CHRNA7: variants seen among roughly 807,000 people sequenced by gnomAD.
CHRNA7 encodes cholinergic receptor nicotinic alpha 7 subunit.
In CHRNA7, 17 loss-of-function variants were observed where a neutral mutation model predicts 48.0. The observed-to-expected ratio is 0.35, with a 90% CI of 0.24 to 0.53. CHRNA7 has a LOEUF of 0.53. CHRNA7 is among the 20% of genes least tolerant of loss of function. CHRNA7 has a pLI of 0.92. For synonymous variants in CHRNA7, 75 were observed against 242.3 expected, an observed-to-expected ratio of 0.31 and a Z score of 6.41; for missense variants, 155 against 577.7, an observed-to-expected ratio of 0.27 and a Z score of 7.50.
chr15:32,115,072 T>G (rs1240396263), intron 4 of CHRNA7, among the ~76,000 whole-genome samples: 1 of 152,224 alleles, frequency 6.6e-6, no homozygotes, highest in East Asian at 1.9e-4. Flanking sequence ...GCTGGGACTC[T>G]TAAGGACTGA....
chr15:32,109,073 A>T (rs925328483), intron 3 of CHRNA7, among the ~76,000 whole-genome samples: 2 of 152,170 alleles, frequency 1.3e-5, no homozygotes, highest in South Asian at 4.1e-4. Flanking sequence ...TCAGGGCGTG[A>T]AAGTAAGTTT....
At chr15:32,139,470 A>G (rs892411229) in intron 4 of CHRNA7, among the ~76,000 whole-genome samples, 1 of 152,170 alleles carries the variant, frequency 6.6e-6, no homozygotes, top group Non-Finnish European at 1.5e-5. Flanking sequence ...ACCATTTCTC[A>G]TGCCCACCAG....
intron 4 of CHRNA7, among the ~76,000 whole-genome samples, chr15:32,140,172 G>A (rs952613641): frequency 3.3e-5 from 5 of 151,068 alleles, no homozygotes; most frequent in Non-Finnish European, 5.9e-5. Flanking sequence ...AACATGTGGT[G>A]TTTGGTTTTC....
chr15:32,099,986 C>G (rs774986205), intron 2 of CHRNA7: 1 of 152,236 alleles, frequency 6.6e-6, no homozygotes, highest in Non-Finnish European at 1.5e-5. Flanking sequence ...AGGCAGCCCT[C>G]TCCTCTCTGT....
chr15:32,134,068 G>C (rs2051202320), intron 4 of CHRNA7, among the ~76,000 whole-genome samples: 1 of 152,044 alleles, frequency 6.6e-6, no homozygotes, highest in South Asian at 2.1e-4. Context: ...CTGTGAGAGG[G>C]CAGCCAAGGG....
chr15:32,060,391 G>A (rs1471470268), intron 2 of CHRNA7, among the ~76,000 whole-genome samples: 1 of 151,962 alleles, frequency 6.6e-6, no homozygotes, highest in Non-Finnish European at 1.5e-5. Flanking sequence ...GATTTATGAA[G>A]GCATATATAG....
intron 4 of CHRNA7, among the ~76,000 whole-genome samples, chr15:32,144,154 A>G (rs2051438841): frequency 6.6e-6 from 1 of 152,058 alleles, no homozygotes; most frequent in Admixed American, 6.5e-5. Flanking sequence ...TCTGTAAAGG[A>G]TTTTATTTCT....
chr15:32,153,545 G>A, intron 4 of CHRNA7: 2 of 323,244 alleles, frequency 6.2e-6, no homozygotes, highest in South Asian at 5.7e-5. Flanking sequence ...TCACAGGGTG[G>A]CAGCGTGCCT....
chr15:32,045,583 C>T (rs1390902777), intron 2 of CHRNA7, among the ~76,000 whole-genome samples: 1 of 151,652 alleles, frequency 6.6e-6, no homozygotes, highest in Non-Finnish European at 1.5e-5. Context: ...GTCACCCAGG[C>T]TGGCATATGG....
chr15:32,038,794 A>G (rs1281766617), intron 2 of CHRNA7, among the ~76,000 whole-genome samples: 1 of 152,164 alleles, frequency 6.6e-6, no homozygotes, highest in Non-Finnish European at 1.5e-5. Context: ...ATGTTTTAGG[A>G]AGTATTTCCT....
At position 32,030,768 on chromosome 15, in the gene CHRNA7, A is replaced by AGCGGGGGCGCT. The variant is rs1413813086; in HGVS notation, c.56-121_56-111dup. On this transcript the variant is annotated intron_variant, in intron 1 of 9. Transcript: ENST00000306901. ...GATCTCCCCGCCGCCGGGGAGGGGC[A>AGCGGGGGCGCT]GCGGGGGCGCTGCGGGGGCTGCTTG... 68 of 1,505,856 alleles carry AGCGGGGGCGCT rather than the reference A, an allele frequency of 4.5e-5. No individual in the cohort carries two copies. The East Asian group carries it at 1.3e-3, about 29-fold the overall frequency. The allele number at this position is 1,505,856 out of a possible 1,614,324, so 93.3% of individuals were successfully genotyped here.
At chr15:32,081,906 C>T (rs2050221652) in intron 2 of CHRNA7, among the ~76,000 whole-genome samples, 1 of 152,084 alleles carries the variant, frequency 6.6e-6, no homozygotes, top group South Asian at 2.1e-4. Flanking sequence ...GTGGTGGCAA[C>T]ACAATCTTTT....
At chr15:32,113,720 A>C (rs546427473) in intron 4 of CHRNA7, among the ~76,000 whole-genome samples, 23 of 152,260 alleles carry the variant, frequency 1.5e-4, no homozygotes, top group African/African-American at 5.5e-4. Flanking sequence ...TGCTTTTAGA[A>C]CAAGATGGTA....
intron 2 of CHRNA7, among the ~76,000 whole-genome samples, chr15:32,061,567 G>A (rs2049879011): frequency 6.6e-6 from 1 of 152,144 alleles, no homozygotes; most frequent in Non-Finnish European, 1.5e-5. Context: ...CAGCCCTTTG[G>A]GAGGCCGAGG....
chr15:32,149,333 G>A lies in CHRNA7; in HGVS notation c.351-4574G>A, dbSNP rs1022864057. ...ACAGGGCTGCCCAGCACTGGTGAGG[G>A]GGTCACTGTTGGCTGGCATCTGTCG... On this transcript the variant is annotated intron_variant, in intron 4 of 9. Transcript: ENST00000306901. The surrounding 1 kb of genome is among the most constrained non-coding windows in gnomAD (Gnocchi z 4.6). Among the ~76,000 whole-genome samples, 6 of 152,178 alleles carry A rather than the reference G, an allele frequency of 3.9e-5. No homozygotes were observed. Among genetic ancestry groups the A allele is most frequent in the Admixed American group, 6.5e-5 (1 of 15,282 alleles).
intron 4 of CHRNA7, among the ~76,000 whole-genome samples, chr15:32,135,336 T>C (rs2051235639): frequency 6.6e-6 from 1 of 152,230 alleles, no homozygotes; most frequent in Non-Finnish European, 1.5e-5. Flanking sequence ...TCATATCACA[T>C]GAGGAAACAA....
chr15:32,085,966 C>T (rs998213758), intron 2 of CHRNA7, among the ~76,000 whole-genome samples: 1 of 152,150 alleles, frequency 6.6e-6, no homozygotes, highest in African/African-American at 2.4e-5. Flanking sequence ...TTAAGATATT[C>T]TTTTTCATAT....
At chr15:32,054,115 GTTAGGCTAACTCT>G (rs998839114) in intron 2 of CHRNA7, among the ~76,000 whole-genome samples, 1 of 152,190 alleles carries the variant, frequency 6.6e-6, no homozygotes, top group African/African-American at 2.4e-5. Flanking sequence ...GAAGGCACGT[GTTAGGCTAACTCT>G]TTAGTTGGTT....
Position 32,137,089 on chromosome 15 carries a change from G to T in CHRNA7, c.351-16818G>T. 3.3e-5 allele frequency among the ~76,000 whole-genome samples: 5 copies of T among 150,416 alleles called. No individual in the cohort carries two copies. In the Middle Eastern group the frequency reaches 0.017, roughly 526 times the overall value. On this transcript the variant is annotated intron_variant, in intron 4 of 9. Transcript: ENST00000306901. ...AGGAGAAACCTAAATGCAATCCAAG[G>T]AGGAAGAAGTCAAAAGCATAACATT...
Sources: allele counts gnomAD v4.1 joint callset (sites outside exome capture counted in the v4.1 genomes callset), GRCh38; gene constraint gnomAD v4.1.1; non-coding constraint Gnocchi (gnomAD v3.1); transcripts MANE v1.5; gene names NCBI Gene and HGNC (gene_info 2026-07-23, HGNC 2026-07-21).